ERBB4: variants seen among roughly 807,000 people sequenced by gnomAD.
ERBB4 encodes receptor tyrosine-protein kinase erbB-4.
ERBB4 carries 42 observed loss-of-function variants against 158.0 expected under a neutral mutation model. The ratio of observed to expected loss-of-function variants is 0.27; its 90% CI spans 0.21 to 0.34. The LOEUF (loss-of-function observed/expected upper bound fraction) is 0.34, where lower values mean the gene tolerates loss of function less well. Among genes scored for constraint, ERBB4 ranks in the 10% least tolerant of loss-of-function variants. The probability of loss-of-function intolerance (pLI) is 1.00; values close to 1 mark genes in which losing one functional copy is unlikely to be tolerated. For synonymous variants in ERBB4, 583 were observed against 558.7 expected (o/e 1.04, Z -0.61); for missense variants, 1,333 against 1,624.1 (o/e 0.82, Z 3.08).
rs370727461 is a variant in ERBB4 at position 211,835,369 on chromosome 2, ACT to A, written c.422-47212_422-47211del. On this transcript the variant is annotated intron_variant, in intron 3 of 27. Coordinates refer to ENST00000342788, the MANE Select transcript of ERBB4 (RefSeq NM_005235.3). ...CCTCCAGTATGAGTTAGCCACAAGG[ACT>A]CTCTACATAAAACCACTCTGACACT... Among the ~76,000 whole-genome samples the A allele has an allele frequency of 1.0e-3, 97 of 95,140 alleles. 1 individual carries two copies. Among genetic ancestry groups the A allele is most frequent in the African/African-American group, 3.6e-3 (95 of 26,718 alleles). The allele number at this position is 95,140 out of a possible 152,430, so 62.4% of individuals were successfully genotyped here. A position where few individuals can be genotyped will look rare whatever the true frequency, so the allele number is the denominator to read the frequency against.
At chr2:211,501,504 A>AC (rs1386148364) in intron 20 of ERBB4, among the ~76,000 whole-genome samples, 3 of 151,446 alleles carry the variant, frequency 2.0e-5, no homozygotes, top group African/African-American at 7.3e-5. Context: ...AATTAAAAAA[A>AC]ACAGCATAAA....
intron 1 of ERBB4, among the ~76,000 whole-genome samples, chr2:212,521,706 C>G (rs549459667): frequency 6.6e-6 from 1 of 151,960 alleles, no homozygotes; most frequent in East Asian, 1.9e-4. Context: ...CATTAATATT[C>G]AATTCCCTTT....
At chr2:211,505,841 T>C (rs551350886) in intron 20 of ERBB4, among the ~76,000 whole-genome samples, 10 of 151,268 alleles carry the variant, frequency 6.6e-5, no homozygotes, top group Admixed American at 3.3e-4. Flanking sequence ...GTGCCTATAA[T>C]CCCAGCTACT....
chr2:212,447,534 C>T (rs1160149679), intron 1 of ERBB4, among the ~76,000 whole-genome samples: 1 of 152,094 alleles, frequency 6.6e-6, no homozygotes, highest in Non-Finnish European at 1.5e-5. Flanking sequence ...TCTTAGGTAT[C>T]CTTAAAAGTT....
intron 1 of ERBB4, among the ~76,000 whole-genome samples, chr2:212,229,786 A>C (rs1379256768): frequency 6.6e-6 from 1 of 152,204 alleles, no homozygotes; most frequent in Non-Finnish European, 1.5e-5. Flanking sequence ...TACAGTATTT[A>C]ATGTTTGATT....
At chr2:211,871,783 TAC>T (rs1339983826) in intron 3 of ERBB4, among the ~76,000 whole-genome samples, 1 of 152,178 alleles carries the variant, frequency 6.6e-6, no homozygotes. Flanking sequence ...GAAGTTACAT[TAC>T]AGTGACAGCT....
Position 212,101,822 on chromosome 2 carries a change from C to A in ERBB4, c.234+22930G>T, listed in dbSNP as rs1306605485. 5.3e-5 allele frequency among the ~76,000 whole-genome samples: 8 copies of A among 151,870 alleles called. No homozygotes were observed. The East Asian group carries it at 1.4e-3, about 26-fold the overall frequency. On this transcript the variant is annotated intron_variant, in intron 2 of 27. Transcript: ENST00000342788. ...GAAAAGGTTATAAAAAGCTTCCTCT[C>A]CCGCTGGAAGCTTATTCAGTGACCT...
At chr2:211,934,941 A>AAAAAAAAAAAAAAAAAAAAAAAAAC (rs1575401060) in intron 3 of ERBB4, among the ~76,000 whole-genome samples, 3 of 150,222 alleles carry the variant, frequency 2.0e-5, no homozygotes, top group Non-Finnish European at 3.0e-5. Flanking sequence ...AAAAAAAAAA[A>AAAAAAAAAAAAAAAAAAAAAAAAAC]CTGCCTTGAA....
chr2:212,065,827 A>T (rs2077927626), intron 2 of ERBB4, among the ~76,000 whole-genome samples: 1 of 152,028 alleles, frequency 6.6e-6, no homozygotes, highest in Admixed American at 6.6e-5. Flanking sequence ...TAGAGCTAGG[A>T]TTAATTTACA....
At chr2:211,467,082 T>A (rs553996522) in intron 20 of ERBB4, among the ~76,000 whole-genome samples, 1 of 152,236 alleles carries the variant, frequency 6.6e-6, no homozygotes, top group East Asian at 1.9e-4. Flanking sequence ...ATTCTAAAAA[T>A]CTTTTCTTTA....
chr2:212,105,537 A>AT (rs1330671929), intron 2 of ERBB4, among the ~76,000 whole-genome samples: 1 of 152,184 alleles, frequency 6.6e-6, no homozygotes, highest in Admixed American at 6.5e-5. Context: ...TTTCTTACTT[A>AT]TGATGGAGAT....
At chr2:211,598,900 A>G (rs2125808939) in intron 19 of ERBB4, among the ~76,000 whole-genome samples, 1 of 152,294 alleles carries the variant, frequency 6.6e-6, no homozygotes, top group South Asian at 2.1e-4. Context: ...CACTTGGCAG[A>G]AGGAGACATT....
In ERBB4 at chr2:212,538,633, T is replaced by A. The variant is rs1302326677; in HGVS notation, c.-103A>T. On this transcript the variant is annotated 5_prime_UTR_variant, in exon 1 of 28. Coordinates refer to ENST00000342788, the MANE Select transcript of ERBB4 (RefSeq NM_005235.3). ...TCCCCCAGCCGGGCGCGCGTGGGGG[T>A]GCGAGGGGGGCGGGCGCGGCGCGCG... The A allele has an allele frequency of 2.4e-5, 30 of 1,239,836 alleles. No individual in the cohort carries two copies. The highest frequency in any genetic ancestry group is 6.0e-5 in the African/African-American group (4 of 66,144). The allele number at this position is 1,239,836 out of a possible 1,614,324, so 76.8% of individuals were successfully genotyped here.
intron 1 of ERBB4, among the ~76,000 whole-genome samples, chr2:212,265,339 A>G (rs2085091519): frequency 6.6e-6 from 1 of 152,128 alleles, no homozygotes; most frequent in African/African-American, 2.4e-5. Flanking sequence ...GCTTTCATCA[A>G]GAAGGTGAAT....
intron 20 of ERBB4, among the ~76,000 whole-genome samples, chr2:211,442,053 T>C (rs541216057): frequency 1.3e-5 from 2 of 152,170 alleles, no homozygotes; most frequent in South Asian, 4.1e-4. Context: ...TTCACTCAGG[T>C]AGCCAAAAAA....
At chr2:212,369,771 C>T (rs1200585047) in intron 1 of ERBB4, among the ~76,000 whole-genome samples, 6 of 152,032 alleles carry the variant, frequency 3.9e-5, no homozygotes, top group Admixed American at 6.6e-5. Flanking sequence ...TAGCTCAAAG[C>T]AGCCTGGAAA....
rs10197831 is a variant in ERBB4 at position 211,388,178 on chromosome 2, T to C, written c.3136-186A>G. Among the ~76,000 whole-genome samples the C allele has an allele frequency of 0.035, 5,389 of 152,308 alleles. 315 individuals carry two copies. Among genetic ancestry groups the C allele is most frequent in the African/African-American group, 0.12 (5,083 of 41,560 alleles). ...CTGACCATAAGCAAGCTTATTTATA[T>C]GTTTTGAGGAAAATAAATATTTTAA... On this transcript the variant is annotated intron_variant, in intron 25 of 27. Coordinates refer to ENST00000342788, the MANE Select transcript of ERBB4 (RefSeq NM_005235.3).
rs566829747 is a variant in ERBB4, at chr2:212,304,152, G to A, written c.83-179249C>T. Among the ~76,000 whole-genome samples the A allele has an allele frequency of 3.5e-3, 530 of 151,600 alleles. 1 individual carries two copies. The highest frequency in any genetic ancestry group is 5.9e-3 in the Non-Finnish European group (396 of 67,628). On this transcript the variant is annotated intron_variant, in intron 1 of 27. Coordinates refer to ENST00000342788, the MANE Select transcript of ERBB4 (RefSeq NM_005235.3). ...GCTTTCAGCAGAATCAAAACTAAGGGATGTTTAGAAATTCAAGAAGAATGT... is the reference window on the plus strand; with the variant it reads ...GCTTTCAGCAGAATCAAAACTAAGGAATGTTTAGAAATTCAAGAAGAATGT...
chr2:212,534,282 A>T (rs1235774421), intron 1 of ERBB4, among the ~76,000 whole-genome samples: 2 of 152,226 alleles, frequency 1.3e-5, no homozygotes, highest in Non-Finnish European at 2.9e-5. Flanking sequence ...GGCTCTAATC[A>T]AGCTTCCAAG....
Sources: allele counts gnomAD v4.1 joint callset (sites outside exome capture counted in the v4.1 genomes callset), GRCh38; gene constraint gnomAD v4.1.1; transcripts MANE v1.5; gene names NCBI Gene and HGNC (gene_info 2026-07-23, HGNC 2026-07-21).